CNTN4: variants seen among roughly 807,000 people sequenced by gnomAD.
The protein encoded by CNTN4 is contactin-4.
Under a neutral mutation model 122.5 loss-of-function variants are expected in CNTN4, and 77 were observed. That is an observed-to-expected ratio of 0.63 (90% CI 0.52 to 0.76). The LOEUF is 0.76. Ranked by LOEUF, CNTN4 falls within the 30% of genes least tolerant of loss-of-function variation. CNTN4 has a pLI of 0.00. For synonymous variants in CNTN4, 512 were observed against 447.0 expected (o/e 1.15, Z -1.83); for missense variants, 1,256 against 1,259.1 (o/e 1.00, Z 0.04).
chr3:2,529,412 A>G (rs192349772), intron 3 of CNTN4, among the ~76,000 whole-genome samples: 31 of 152,276 alleles, frequency 2.0e-4, no homozygotes, highest in Admixed American at 5.9e-4. Flanking sequence ...TGCAACAAAT[A>G]TGGTAGTGCA....
intron 5 of CNTN4, among the ~76,000 whole-genome samples, chr3:2,745,159 G>A (rs1188763129): frequency 6.6e-6 from 1 of 152,180 alleles, no homozygotes; most frequent in African/African-American, 2.4e-5. Context: ...AAGAATGATT[G>A]CAAACTAGAA....
chr3:2,909,822 G>A (rs889163928), intron 12 of CNTN4, among the ~76,000 whole-genome samples: 1 of 152,050 alleles, frequency 6.6e-6, no homozygotes, highest in Non-Finnish European at 1.5e-5. Flanking sequence ...TCTAGAGTGG[G>A]GCCTGGGAAT....
At chr3:2,662,367 C>G (rs1455301961) in intron 4 of CNTN4, among the ~76,000 whole-genome samples, 2 of 152,188 alleles carry the variant, frequency 1.3e-5, no homozygotes, top group Non-Finnish European at 2.9e-5. Flanking sequence ...TACAGTCATT[C>G]AGGGATGCAG....
chr3:2,689,684 C>T (rs1033002243), intron 4 of CNTN4, among the ~76,000 whole-genome samples: 4 of 152,050 alleles, frequency 2.6e-5, no homozygotes, highest in African/African-American at 4.8e-5. Flanking sequence ...TCTCTGAAAT[C>T]CACTCTAGAA....
intron 2 of CNTN4, among the ~76,000 whole-genome samples, chr3:2,103,893 T>C (rs1396155633): frequency 6.6e-6 from 1 of 152,184 alleles, no homozygotes; most frequent in East Asian, 1.9e-4. Flanking sequence ...AAATGCCTGT[T>C]AGAGTTTTGG....
At chr3:2,260,309 A>T (rs2040778216) in intron 2 of CNTN4, among the ~76,000 whole-genome samples, 1 of 151,900 alleles carries the variant, frequency 6.6e-6, no homozygotes, top group African/African-American at 2.4e-5. Flanking sequence ...GCACCACCCG[A>T]GTTGTGATAA....
chr3:2,968,546 G>A (rs1292822255), intron 13 of CNTN4, among the ~76,000 whole-genome samples: 3 of 152,134 alleles, frequency 2.0e-5, no homozygotes, highest in African/African-American at 7.2e-5. Context: ...GATGAATCCT[G>A]AACTCTGAAT....
chr3:2,840,750 T>A (rs372904023), intron 7 of CNTN4, among the ~76,000 whole-genome samples: 5 of 151,978 alleles, frequency 3.3e-5, no homozygotes, highest in African/African-American at 9.6e-5. Flanking sequence ...ACTAGATTTT[T>A]AAAAAATGTT....
At chr3:2,607,910 T>G (rs1464858583) in intron 4 of CNTN4, among the ~76,000 whole-genome samples, 1 of 152,200 alleles carries the variant, frequency 6.6e-6, no homozygotes, top group East Asian at 1.9e-4. Context: ...ACGTGTCTTT[T>G]ATAGTTCTTC....
chr3:2,151,326 G>T (rs996760657), intron 2 of CNTN4, among the ~76,000 whole-genome samples: 1 of 152,144 alleles, frequency 6.6e-6, no homozygotes, highest in Non-Finnish European at 1.5e-5. Context: ...ATGAGGAAGT[G>T]GTATGTGGAC....
intron 7 of CNTN4, among the ~76,000 whole-genome samples, chr3:2,853,987 A>G (rs1365250028): frequency 6.6e-6 from 1 of 152,188 alleles, no homozygotes; most frequent in Non-Finnish European, 1.5e-5. Flanking sequence ...ACCTGGTAAT[A>G]AAGCCAAACT....
At chr3:2,243,381 A>G (rs896251018) in intron 2 of CNTN4, among the ~76,000 whole-genome samples, 1 of 152,144 alleles carries the variant, frequency 6.6e-6, no homozygotes, top group Non-Finnish European at 1.5e-5. Flanking sequence ...TTTTTATGTG[A>G]TGAATTTCTA....
At chr3:2,887,011 G>T (rs557314382) in intron 9 of CNTN4, 29 bp from the exon 10 acceptor site, 2 of 1,601,742 alleles carry the variant, frequency 1.2e-6, no homozygotes, top group South Asian at 2.2e-5. Flanking sequence ...TCTCTAGTTT[G>T]ATTCACTCCT....
chr3:2,627,715 G>A lies in CNTN4; in HGVS notation c.55+56157G>A, dbSNP rs182038270. On this transcript the variant is annotated intron_variant, in intron 4 of 24. Transcript: ENST00000418658. Reference sequence around the variant, plus strand: ...TCACCGTGTTAGCCAGGATGGTCTCGATCTCCTGACCTTGTGATCTGCCCG... The same window carrying A: ...TCACCGTGTTAGCCAGGATGGTCTCAATCTCCTGACCTTGTGATCTGCCCG... Among the ~76,000 whole-genome samples the A allele has an allele frequency of 2.7e-3, 407 of 151,944 alleles. 1 individual carries two copies. The highest frequency in any genetic ancestry group is 4.2e-3 in the Non-Finnish European group (283 of 67,944).
chr3:2,983,148 AGCTT>A (rs1694199295), intron 13 of CNTN4, among the ~76,000 whole-genome samples: 1 of 129,456 alleles, frequency 7.7e-6, no homozygotes, highest in Non-Finnish European at 1.6e-5. Flanking sequence ...CTGGAGGTGG[AGCTT>A]GCAGTGAGCC....
At chr3:3,051,870 T>A (rs750859539) in intron 23 of CNTN4, among the ~76,000 whole-genome samples, 2 of 152,170 alleles carry the variant, frequency 1.3e-5, no homozygotes, top group African/African-American at 4.8e-5. Context: ...CCTCAGCAGA[T>A]CAGAATTTAT....
chr3:2,855,565 G>A (rs2093609120), intron 7 of CNTN4, among the ~76,000 whole-genome samples: 1 of 152,178 alleles, frequency 6.6e-6, no homozygotes, highest in Non-Finnish European at 1.5e-5. Flanking sequence ...AAAGTATCTG[G>A]CTCACTGGAT....
intron 2 of CNTN4, among the ~76,000 whole-genome samples, chr3:2,306,371 A>G (rs1338933438): frequency 6.6e-6 from 1 of 152,002 alleles, no homozygotes; most frequent in Non-Finnish European, 1.5e-5. Context: ...CTCATTGTGG[A>G]TTTGATTTGC....
At chr3:2,142,489 C>T (rs761716616) in intron 2 of CNTN4, among the ~76,000 whole-genome samples, 100 of 152,080 alleles carry the variant, frequency 6.6e-4, no homozygotes, top group Non-Finnish European at 1.2e-3. Flanking sequence ...TCAGCCTCCC[C>T]AATAGCTGGG....
Sources: gnomAD v4.1 joint callset for allele counts (sites outside exome capture counted in the v4.1 genomes callset) on GRCh38, gnomAD v4.1.1 for gene constraint, MANE v1.5 for transcripts, NCBI Gene and HGNC (gene_info 2026-07-23, HGNC 2026-07-21) for gene names.